The following AGAP9 variants were observed in gnomAD, a reference collection of about 807,000 sequenced individuals.
AGAP9 encodes the protein arf-GAP with GTPase, ANK repeat and PH domain-containing protein 9.
Under a neutral mutation model 55.6 loss-of-function variants are expected in AGAP9, and 23 were observed. That is an observed-to-expected ratio of 0.41 (90% CI 0.30 to 0.59). The LOEUF (loss-of-function observed/expected upper bound fraction) is 0.59, where lower values mean the gene tolerates loss of function less well. AGAP9 is among the 20% of genes least tolerant of loss of function. AGAP9 has a pLI of 0.25. For missense variants in AGAP9, 309 were observed against 808.1 expected (o/e 0.38, Z 7.49); for synonymous variants, 120 against 305.0 (o/e 0.39, Z 6.32).
chr10:47,502,506 G>T lies in AGAP9; in HGVS notation c.1623C>A (p.Asn541Lys). ...CCTGGCTGCTCCCTTCCCAGATGCT[G>T]TTGGCTAGCTCATTGCCAATAGATG... is the stretch of plus-strand genomic sequence containing the variant. ...VMSSIGNELA[N>K]SIWEGSSQGQ... The change falls in exon 8 of 8, where the codon AAC (asparagine) becomes AAA (lysine). Residue 541 changes from asparagine (N) to lysine (K), a missense_variant. Transcript: ENST00000452145. 6.2e-7 allele frequency: 1 copy of T among 1,613,150 alleles called. No individual in the cohort carries two copies. The highest frequency in any genetic ancestry group is 1.1e-5 in the South Asian group (1 of 91,060).
chr10:47,512,739 A>T, intron 4 of AGAP9, among the ~76,000 whole-genome samples: 1 of 29,546 alleles, frequency 3.4e-5, no homozygotes, highest in Non-Finnish European at 6.3e-5. Flanking sequence ...GTCTTGTTCC[A>T]GTTCTCGGGG....
In AGAP9 at chr10:47,519,099, G is replaced by T. The variant is rs1414035199; in HGVS notation, c.362-1242C>A. Among the ~76,000 whole-genome samples, 3 of 137,260 alleles carry T rather than the reference G, an allele frequency of 2.2e-5. 1 individual carries two copies. Among genetic ancestry groups the T allele is most frequent in the Non-Finnish European group, 4.6e-5 (3 of 65,124 alleles). 90.0% of individuals were successfully genotyped at this position (137,260 alleles called of 152,430 possible). A position where few individuals can be genotyped will look rare whatever the true frequency, so the allele number is the denominator to read the frequency against. On this transcript the variant is annotated intron_variant, in intron 3 of 7. Coordinates refer to ENST00000452145, the MANE Select transcript of AGAP9 (RefSeq NM_001190810.1). ...GCCTAGTGGGAGGCATTTGGGTAAT[G>T]GCAGTGGATTCCTTATGAATGGCTT...
Position 47,502,861 on chromosome 10 carries a change from A to C in AGAP9, c.1268T>G (p.Phe423Cys), listed in dbSNP as rs1372744775. ...IVSATGQTWH[F>C]EATTYEERDA... ...CCGCTCCTCATACGTCGTGGCTTCA[A>C]AGTGCCACGTTTGGCCAGTGGCAGA... is the stretch of plus-strand genomic sequence containing the variant. Residue 423 changes from phenylalanine to cysteine, a missense_variant, in exon 8 of 8, where the codon TTT (phenylalanine) becomes TGT (cysteine). Transcript: ENST00000452145. 6.2e-7 allele frequency: 1 copy of C among 1,604,292 alleles called. No homozygotes were observed. Among genetic ancestry groups the C allele is most frequent in the African/African-American group, 1.4e-5 (1 of 72,596 alleles).
rs1840382745 is a variant in AGAP9, at chr10:47,502,808, G to A, written c.1321C>T (p.Gln441Ter). 10 of 1,592,398 alleles carry A rather than the reference G, an allele frequency of 6.3e-6. No individual in the cohort carries two copies. In the Admixed American group the frequency reaches 1.7e-4, roughly 27 times the overall value. The change falls in exon 8 of 8, where the codon CAG becomes TAG. Residue 441 changes from glutamine (Q) to a stop codon, truncating the protein, a stop_gained. Coordinates refer to ENST00000452145, the MANE Select transcript of AGAP9 (RefSeq NM_001190810.1). LOFTEE classifies it high-confidence loss of function. ...CATGACTGCAGGCTGGCCAGGATCT[G>A]GCTCTGGATGGCTTGGACCCAGGCA... is the stretch of plus-strand genomic sequence containing the variant. ...RDAWVQAIQS[Q>*]ILASLQSCKS...
rs1350345533 is a variant in AGAP9, at chr10:47,511,234, C to T, written c.397-963G>A. On this transcript the variant is annotated intron_variant, in intron 4 of 7. Coordinates refer to ENST00000452145, the MANE Select transcript of AGAP9 (RefSeq NM_001190810.1). ...CTGGGATTACAGGCGTGAGCCACGGCGCCCAGTCCTTCTATTATTTATTTA... is the reference window on the plus strand; with the variant it reads ...CTGGGATTACAGGCGTGAGCCACGGTGCCCAGTCCTTCTATTATTTATTTA... 1.6e-4 allele frequency among the ~76,000 whole-genome samples: 23 copies of T among 141,486 alleles called. 6 individuals are homozygous for T. Among genetic ancestry groups the T allele is most frequent in the Admixed American group, 1.3e-3 (18 of 13,920 alleles). The allele number at this position is 141,486 out of a possible 152,430, so 92.8% of individuals were successfully genotyped here.
In AGAP9 at chr10:47,520,484, A is replaced by C; in HGVS notation, c.361+15T>G. 2.7e-6 allele frequency: 4 copies of C among 1,497,910 alleles called. No individual in the cohort carries two copies. Among genetic ancestry groups the C allele is most frequent in the Middle Eastern group, 2.5e-4 (1 of 4,058 alleles). 92.8% of individuals were successfully genotyped at this position (1,497,910 alleles called of 1,614,324 possible). On this transcript the variant is annotated intron_variant, in intron 3 of 7. Transcript: ENST00000452145. ...TTTATTCTTTCTCTTGGCGGAAAAA[A>C]CAATGTTGTCTCACCATCTGTTTGA...
At chr10:47,521,251 A>G (rs1840826726) in intron 2 of AGAP9, among the ~76,000 whole-genome samples, 1 of 135,724 alleles carries the variant, frequency 7.4e-6, no homozygotes, top group Admixed American at 7.5e-5. Context: ...AACACTACCC[A>G]TCTACTAACT....
In AGAP9 at chr10:47,508,095, G is replaced by A. The variant is rs1178908546; in HGVS notation, c.498-512C>T. ...TTGGGGGGGTGGTGGGTGGAGTTTC[G>A]CTCTTGTTGCCCAGGCTGGAGTGCA... On this transcript the variant is annotated intron_variant, in intron 5 of 7. Transcript: ENST00000452145. Among the ~76,000 whole-genome samples the A allele has an allele frequency of 2.7e-4, 35 of 129,090 alleles. 2 individuals are homozygous for A. Among genetic ancestry groups the A allele is most frequent in the African/African-American group, 8.8e-4 (31 of 35,406 alleles). The allele number at this position is 129,090 out of a possible 152,430, so 84.7% of individuals were successfully genotyped here.
intron 4 of AGAP9, among the ~76,000 whole-genome samples, chr10:47,514,162 C>T (rs1433916163): frequency 1.4e-5 from 2 of 143,504 alleles, no homozygotes; most frequent in Non-Finnish European, 3.0e-5. Context: ...CTATGAGGAA[C>T]TCAAACAAAT....
At chr10:47,522,378 C>A (rs1242807867) in intron 2 of AGAP9, among the ~76,000 whole-genome samples, 12 of 149,464 alleles carry the variant, frequency 8.0e-5, no homozygotes, top group Admixed American at 2.0e-4. Flanking sequence ...GTAATCAGAG[C>A]CTCATAGGTA....
At chr10:47,510,935 A>AATTAATTT (rs1316268266) in intron 4 of AGAP9, among the ~76,000 whole-genome samples, 5 of 113,512 alleles carry the variant, frequency 4.4e-5, no homozygotes, top group African/African-American at 1.0e-4. Flanking sequence ...TTAATTAATT[A>AATTAATTT]ATTTATTTAT....
At position 47,502,271 on chromosome 10, in the gene AGAP9, C is replaced by A. The variant is rs1231260788; in HGVS notation, c.1858G>T (p.Gly620Trp). The change falls in exon 8 of 8, where the codon GGG becomes TGG. Residue 620 changes from glycine (G) to tryptophan (W), a missense_variant. Coordinates refer to ENST00000452145, the MANE Select transcript of AGAP9 (RefSeq NM_001190810.1). ...AGTGCCGTGCAGCCGTCTCCCTCCC[C>A]ACAGGTCTCGTTCACCTCCTCACGG... ...GSREEVNETC[G>W]EGDGCTALHL... 31 of 1,598,448 alleles carry A rather than the reference C, an allele frequency of 1.9e-5. No individual in the cohort carries two copies. In the African/African-American group the frequency reaches 3.2e-4, roughly 17 times the overall value.
intron 4 of AGAP9, among the ~76,000 whole-genome samples, chr10:47,515,733 TC>T (rs1263604060): frequency 3.5e-5 from 5 of 140,946 alleles, no homozygotes; most frequent in Non-Finnish European, 7.7e-5. Flanking sequence ...GCTTTTACTT[TC>T]CAGGCAGAAA....
rs1187986095 is a variant in AGAP9 at position 47,513,414 on chromosome 10, C to T, written c.397-3143G>A. Among the ~76,000 whole-genome samples, 538 of 142,196 alleles carry T rather than the reference C, an allele frequency of 3.8e-3. 79 individuals are homozygous for T. Among genetic ancestry groups the T allele is most frequent in the Non-Finnish European group, 5.9e-3 (382 of 65,184 alleles). 93.3% of individuals were successfully genotyped at this position (142,196 alleles called of 152,430 possible). A position where few individuals can be genotyped will look rare whatever the true frequency, so the allele number is the denominator to read the frequency against. ...GGACACAGACAAATGGAAAGACACC[C>T]ATGCTCATGAATGGGTAGAATGAAT... On this transcript the variant is annotated intron_variant, in intron 4 of 7. Coordinates refer to ENST00000452145, the MANE Select transcript of AGAP9 (RefSeq NM_001190810.1).
chr10:47,508,157 C>T (rs1441230346), intron 5 of AGAP9, among the ~76,000 whole-genome samples: 8 of 99,456 alleles, frequency 8.0e-5, no homozygotes, highest in African/African-American at 1.5e-4. Context: ...CTCTGCCTCC[C>T]GGGTTCAAGA....
At chr10:47,519,449 C>G (rs1840779464) in intron 3 of AGAP9, among the ~76,000 whole-genome samples, 3 of 112,004 alleles carry the variant, frequency 2.7e-5, no homozygotes, top group African/African-American at 1.1e-4. Flanking sequence ...GTCTGGGCAA[C>G]AGAGTGAGAC....
At chr10:47,507,242 GC>G (rs1840501168) in intron 6 of AGAP9, among the ~76,000 whole-genome samples, 1 of 120,818 alleles carries the variant, frequency 8.3e-6, no homozygotes, top group African/African-American at 3.0e-5. Flanking sequence ...GCATTATCTA[GC>G]CCATAATATC....
At chr10:47,504,846 CTTTTT>C (rs59529030) in intron 6 of AGAP9, among the ~76,000 whole-genome samples, 5 of 46,848 alleles carry the variant, frequency 1.1e-4, no homozygotes, top group South Asian at 6.8e-4. Flanking sequence ...CATAACTGTT[CTTTTT>C]TTTTTTTTTT....
At position 47,514,011 on chromosome 10, in the gene AGAP9, T is replaced by C. The variant is rs1309979103; in HGVS notation, c.397-3740A>G. On this transcript the variant is annotated intron_variant, in intron 4 of 7. Transcript: ENST00000452145. ...TCATGACCAAGAACACAAAAGCAAATGCAACAGAAACAAATAGGTGAGACT... is the reference window on the plus strand; with the variant it reads ...TCATGACCAAGAACACAAAAGCAAACGCAACAGAAACAAATAGGTGAGACT... Among the ~76,000 whole-genome samples, 88 of 139,448 alleles carry C rather than the reference T, an allele frequency of 6.3e-4. 3 individuals carry two copies. Among genetic ancestry groups the C allele is most frequent in the Admixed American group, 7.3e-4 (10 of 13,688 alleles). The allele number at this position is 139,448 out of a possible 152,430, so 91.5% of individuals were successfully genotyped here.
Sources: gnomAD v4.1 joint callset for allele counts (sites outside exome capture counted in the v4.1 genomes callset) on GRCh38, gnomAD v4.1.1 for gene constraint, MANE v1.5 for transcripts, NCBI Gene and HGNC (gene_info 2026-07-23, HGNC 2026-07-21) for gene names.